The following PDE4B variants were observed in gnomAD, a reference collection of about 807,000 sequenced individuals.
The protein encoded by PDE4B is phosphodiesterase 4B.
In PDE4B, 20 loss-of-function variants were observed where a neutral mutation model predicts 82.2. The ratio of observed to expected loss-of-function variants is 0.24; its 90% confidence interval spans 0.17 to 0.35. The LOEUF (loss-of-function observed/expected upper bound fraction) is 0.35. Ranked by LOEUF, PDE4B falls within the 10% of genes least tolerant of loss-of-function variation. The pLI is 1.00. For synonymous variants in PDE4B, 320 were observed against 318.9 expected, an observed-to-expected ratio of 1.00 and a Z score of -0.04; for missense variants, 655 against 907.2, an observed-to-expected ratio of 0.72 and a Z score of 3.57.
Position 66,004,720 on chromosome 1 carries a change from C to A in PDE4B, c.281+85885C>A, listed in dbSNP as rs940137079. On this transcript the variant is annotated intron_variant, in intron 3 of 16. Coordinates refer to ENST00000341517, the MANE Select transcript of PDE4B (RefSeq NM_002600.4). ...TTAGTGGGATCTAACCTCCTAGTGACTTGTTTATATCAGAAAGTTTATTCA... is the reference window on the plus strand; with the variant it reads ...TTAGTGGGATCTAACCTCCTAGTGAATTGTTTATATCAGAAAGTTTATTCA... Among the ~76,000 whole-genome samples, 22 of 152,142 alleles carry A rather than the reference C, an allele frequency of 1.4e-4. 1 individual carries two copies. In the South Asian group the frequency reaches 3.9e-3, roughly 27 times the overall value.
At chr1:66,007,349 T>A (rs2489908) in intron 3 of PDE4B, among the ~76,000 whole-genome samples, 1 of 152,046 alleles carries the variant, frequency 6.6e-6, no homozygotes, top group Non-Finnish European at 1.5e-5. Context: ...GAGGCTGAGG[T>A]GGGAGAATTG....
In PDE4B at chr1:65,842,820, A is replaced by T. The variant is rs146889917; in HGVS notation, c.-71+49572A>T. On this transcript the variant is annotated intron_variant, in intron 1 of 16. Coordinates refer to ENST00000341517, the MANE Select transcript of PDE4B (RefSeq NM_002600.4). ...TTTCAAATCACTATGTTACATGGTA[A>T]TAGAGTTGCATGCAGAGCACAAGAG... Among the ~76,000 whole-genome samples the T allele has an allele frequency of 4.6e-5, 7 of 152,296 alleles. No individual in the cohort carries two copies. In the East Asian group the frequency reaches 1.3e-3, roughly 29 times the overall value.
chr1:66,370,150 CAAAAAAAAA>C (rs752920376), intron 16 of PDE4B, among the ~76,000 whole-genome samples: 10 of 28,654 alleles, frequency 3.5e-4, no homozygotes, highest in South Asian at 1.4e-3. Flanking sequence ...GACTCTATCT[CAAAAAAAAA>C]AAAAAAAAAA....
intron 3 of PDE4B, among the ~76,000 whole-genome samples, chr1:66,163,951 A>G (rs1250996532): frequency 6.6e-6 from 1 of 152,344 alleles, no homozygotes; most frequent in African/African-American, 2.4e-5. Flanking sequence ...GTACTCTCAG[A>G]TAACATTTAT....
intron 1 of PDE4B, among the ~76,000 whole-genome samples, chr1:65,905,657 C>A (rs918603758): frequency 1.3e-5 from 2 of 152,036 alleles, no homozygotes; most frequent in African/African-American, 4.8e-5. Flanking sequence ...AGTGGAAGGG[C>A]TTCTCTCTTT....
intron 3 of PDE4B, among the ~76,000 whole-genome samples, chr1:66,088,903 A>C (rs779742514): frequency 1.4e-4 from 21 of 152,072 alleles, no homozygotes; most frequent in Non-Finnish European, 2.5e-4. Flanking sequence ...TTTTTTCTGC[A>C]TCTGCAGCCT....
At chr1:65,817,318 T>C (rs1250415570) in intron 1 of PDE4B, among the ~76,000 whole-genome samples, 1 of 152,186 alleles carries the variant, frequency 6.6e-6, no homozygotes, top group Non-Finnish European at 1.5e-5. Context: ...CAAGTGTAGC[T>C]TTCATTGGTG....
In PDE4B at chr1:66,228,626, TA is replaced by T. The variant is rs77946467; in HGVS notation, c.282-18817del. Among the ~76,000 whole-genome samples the T allele has an allele frequency of 8.9e-3, 1,205 of 134,942 alleles. 5 individuals carry two copies. The highest frequency in any genetic ancestry group is 0.012 in the South Asian group (49 of 4,148). 88.5% of individuals were successfully genotyped at this position (134,942 alleles called of 152,430 possible). A position where few individuals can be genotyped will look rare whatever the true frequency, so the allele number is the denominator to read the frequency against. On this transcript the variant is annotated intron_variant, in intron 3 of 16. Coordinates refer to ENST00000341517, the MANE Select transcript of PDE4B (RefSeq NM_002600.4). ...CCTGGGCGACAGAGCAAGACTCCGT[TA>T]AAAAAAAAAAAAAAAACATGCTATA...
chr1:65,915,184 ATATAT>A (rs1557429617), intron 2 of PDE4B, among the ~76,000 whole-genome samples: 1 of 152,172 alleles, frequency 6.6e-6, no homozygotes, highest in Non-Finnish European at 1.5e-5. Flanking sequence ...ATATGTGCAA[ATATAT>A]TAGGAGATTG....
intron 3 of PDE4B, among the ~76,000 whole-genome samples, chr1:66,208,095 A>G (rs1649706818): frequency 6.6e-6 from 1 of 152,190 alleles, no homozygotes; most frequent in Non-Finnish European, 1.5e-5. Context: ...TTCTTCCTGT[A>G]TCAATTAAGT....
chr1:66,309,930 G>A (rs764682417), intron 7 of PDE4B, among the ~76,000 whole-genome samples: 2 of 152,024 alleles, frequency 1.3e-5, no homozygotes, highest in African/African-American at 2.4e-5. Flanking sequence ...TGACGTCCTG[G>A]GGTAGTACCT....
intron 3 of PDE4B, among the ~76,000 whole-genome samples, chr1:66,135,706 G>A (rs1646042959): frequency 6.6e-6 from 1 of 152,056 alleles, no homozygotes; most frequent in Non-Finnish European, 1.5e-5. Context: ...AAGAGATCTG[G>A]GCCAATAATA....
At chr1:66,125,852 G>T (rs1376552045) in intron 3 of PDE4B, among the ~76,000 whole-genome samples, 1 of 152,176 alleles carries the variant, frequency 6.6e-6, no homozygotes. Context: ...TGTTGCCCAG[G>T]CTGGAGTGCA....
At chr1:66,162,382 G>A (rs992312784) in intron 3 of PDE4B, among the ~76,000 whole-genome samples, 3 of 120,438 alleles carry the variant, frequency 2.5e-5, no homozygotes, top group Non-Finnish European at 4.8e-5. Context: ...GTGACTTCCA[G>A]CGAAGGGAAA....
chr1:65,795,294 G>T (rs1478448902), intron 1 of PDE4B, among the ~76,000 whole-genome samples: 1 of 152,232 alleles, frequency 6.6e-6, no homozygotes, highest in South Asian at 2.1e-4. Context: ...ATATGAAGAG[G>T]TCTTCAGTTA....
chr1:66,119,759 G>C (rs1180270699), intron 3 of PDE4B, among the ~76,000 whole-genome samples: 1 of 152,150 alleles, frequency 6.6e-6, no homozygotes, highest in Non-Finnish European at 1.5e-5. Context: ...TCAGAAATAA[G>C]GGTCTTTGCA....
At chr1:65,987,917 C>T (rs985783984) in intron 3 of PDE4B, among the ~76,000 whole-genome samples, 3 of 152,152 alleles carry the variant, frequency 2.0e-5, no homozygotes, top group East Asian at 1.9e-4. Flanking sequence ...CCCGGACTTG[C>T]GTCTTGATAT....
chr1:65,967,665 T>C (rs907515821), intron 3 of PDE4B, among the ~76,000 whole-genome samples: 1 of 152,148 alleles, frequency 6.6e-6, no homozygotes, highest in Non-Finnish European at 1.5e-5. Context: ...GTGGCTCATA[T>C]ACACCATGGA....
intron 3 of PDE4B, among the ~76,000 whole-genome samples, chr1:66,162,722 A>G (rs765984356): frequency 1.6e-4 from 24 of 152,234 alleles, no homozygotes; most frequent in Middle Eastern, 3.4e-3. Flanking sequence ...GGCACCCAAA[A>G]TGTTTCAGAT....
Sources: allele counts gnomAD v4.1 joint callset (sites outside exome capture counted in the v4.1 genomes callset), GRCh38; gene constraint gnomAD v4.1.1; transcripts MANE v1.5; gene names NCBI Gene and HGNC (gene_info 2026-07-23, HGNC 2026-07-21).